TXLNB: variants seen among roughly 807,000 people sequenced by gnomAD.
TXLNB encodes the protein taxilin beta, also known as beta-taxilin.
Under a neutral mutation model 57.4 loss-of-function variants are expected in TXLNB, and 37 were observed. The observed-to-expected ratio is 0.64, with a 90% confidence interval of 0.50 to 0.85. The LOEUF (loss-of-function observed/expected upper bound fraction) is 0.85, where lower values mean the gene tolerates loss of function less well. Ranked by LOEUF, TXLNB falls within the 40% of genes least tolerant of loss-of-function variation. TXLNB has a pLI of 0.00. For synonymous variants in TXLNB, 302 were observed against 309.6 expected, an observed-to-expected ratio of 0.98 and a Z score of 0.26; for missense variants, 848 against 825.6, an observed-to-expected ratio of 1.03 and a Z score of -0.33.
intron 5 of TXLNB, 21 bp downstream of exon 5, chr6:139,262,558 G>A: frequency 6.2e-7 from 1 of 1,603,622 alleles, no homozygotes. Flanking sequence ...ACTGTTCTAA[G>A]TTGTTTGATG....
chr6:139,297,347 CAAA>C, the TXLNB span, among the ~76,000 whole-genome samples: 1 of 152,096 alleles, frequency 6.6e-6, no homozygotes, highest in East Asian at 1.9e-4. Context: ...CCTATCCCTC[CAAA>C]TAAAAAGCAT....
At chr6:139,221,328 A>C in the TXLNB span, among the ~76,000 whole-genome samples, 3 of 79,422 alleles carry the variant, frequency 3.8e-5, no homozygotes, top group African/African-American at 1.2e-4. Context: ...AAAGTTCCCT[A>C]AAAAGTCTGA....
intron 8 of TXLNB, 63 bp from the exon 9 acceptor site, chr6:139,244,753 G>C: frequency 8.8e-7 from 1 of 1,138,146 alleles, no homozygotes; most frequent in South Asian, 1.2e-5. Flanking sequence ...GAAGCTATTA[G>C]CTCCATATGT....
chr6:139,161,888 A>G, the TXLNB span, among the ~76,000 whole-genome samples: 3 of 152,212 alleles, frequency 2.0e-5, no homozygotes, highest in Non-Finnish European at 4.4e-5. Flanking sequence ...AAGGCCTCTA[A>G]AGGTCACAGC....
chr6:139,217,112 C>G, the TXLNB span, among the ~76,000 whole-genome samples: 1 of 152,180 alleles, frequency 6.6e-6, no homozygotes, highest in Admixed American at 6.5e-5. Context: ...CTGGAGTGGT[C>G]TCAGAATTTT....
At chr6:139,166,625 T>G in the TXLNB span, 1 of 1,614,030 alleles carries the variant, frequency 6.2e-7, no homozygotes, top group Admixed American at 1.7e-5. Flanking sequence ...AAAGAAGAAG[T>G]CTGGCTCCGA....
At chr6:139,248,627 T>TA (rs562085146) in intron 7 of TXLNB, among the ~76,000 whole-genome samples, 146 of 152,366 alleles carry the variant, frequency 9.6e-4, no homozygotes, top group African/African-American at 3.3e-3. Flanking sequence ...GATCTGCATT[T>TA]GAGGGACCTG....
the TXLNB span, among the ~76,000 whole-genome samples, chr6:139,162,787 A>T: frequency 2.6e-3 from 389 of 152,244 alleles, 1 homozygote; most frequent in African/African-American, 9.2e-3. Context: ...GTGTGCAGGG[A>T]TAAGGTTGGG....
At chr6:139,312,029 T>G in the TXLNB span, among the ~76,000 whole-genome samples, 3 of 152,286 alleles carry the variant, frequency 2.0e-5, no homozygotes, top group East Asian at 5.8e-4. Context: ...ACCATGTCAC[T>G]GGGGCTTAGG....
chr6:139,261,000 G>A (rs1028440340), intron 5 of TXLNB, among the ~76,000 whole-genome samples: 1 of 152,212 alleles, frequency 6.6e-6, no homozygotes, highest in Non-Finnish European at 1.5e-5. Flanking sequence ...CTCTGGTGGA[G>A]ATGACAAGGC....
the TXLNB span, among the ~76,000 whole-genome samples, chr6:139,165,785 G>A: frequency 8.9e-6 from 1 of 112,296 alleles, no homozygotes. Context: ...TCTGGGAACC[G>A]GCTTGGCTGT....
chr6:139,182,733 G>A, the TXLNB span, among the ~76,000 whole-genome samples: 107,862 of 152,088 alleles, frequency 0.71, 39,488 homozygotes, highest in African/African-American at 0.85. Context: ...GTATTTTTAA[G>A]GCATATTTTT....
chr6:139,299,016 T>C, the TXLNB span, among the ~76,000 whole-genome samples: 1 of 152,224 alleles, frequency 6.6e-6, no homozygotes, highest in Non-Finnish European at 1.5e-5. Flanking sequence ...CAGAAGGAGA[T>C]GCTGGCACCA....
upstream of TXLNB, among the ~76,000 whole-genome samples, chr6:139,293,825 A>G (rs1012743474): frequency 6.6e-6 from 1 of 152,122 alleles, no homozygotes; most frequent in Non-Finnish European, 1.5e-5. Flanking sequence ...TTTGATAATT[A>G]AGTTAGTGAA....
the TXLNB span, among the ~76,000 whole-genome samples, chr6:139,207,372 C>T: frequency 6.6e-6 from 1 of 152,056 alleles, no homozygotes; most frequent in Non-Finnish European, 1.5e-5. Context: ...ATAATCTGCC[C>T]TTGAATGATC....
chr6:139,222,422 T>C, the TXLNB span, among the ~76,000 whole-genome samples: 23 of 152,156 alleles, frequency 1.5e-4, no homozygotes, highest in Non-Finnish European at 7.3e-5. Flanking sequence ...CATAATAAAG[T>C]GGCCAATCCA....
At chr6:139,186,744 A>G in the TXLNB span, among the ~76,000 whole-genome samples, 1 of 152,242 alleles carries the variant, frequency 6.6e-6, no homozygotes. Flanking sequence ...AGAATGAACA[A>G]AATTGCAATA....
At chr6:139,216,658 A>G in the TXLNB span, among the ~76,000 whole-genome samples, 566 of 152,294 alleles carry the variant, frequency 3.7e-3, 5 homozygotes, top group Non-Finnish European at 6.2e-3. Context: ...AATGTGGTAT[A>G]TAGACAATAT....
chr6:139,212,945 T>C, the TXLNB span, among the ~76,000 whole-genome samples: 2 of 152,194 alleles, frequency 1.3e-5, no homozygotes, highest in Non-Finnish European at 2.9e-5. Flanking sequence ...TAAATATATA[T>C]GCACCCAATA....
Sources: allele counts gnomAD v4.1 joint callset (sites outside exome capture counted in the v4.1 genomes callset), GRCh38; gene constraint gnomAD v4.1.1; transcripts MANE v1.5; gene names NCBI Gene and HGNC (gene_info 2026-07-23, HGNC 2026-07-21).